The following CARD10 variants were observed in gnomAD, a reference collection of about 807,000 sequenced individuals.
CARD10 encodes the protein caspase recruitment domain family member 10.
CARD10 carries 49 observed loss-of-function variants against 114.6 expected under a neutral mutation model. That is an observed-to-expected ratio of 0.43 (90% CI 0.34 to 0.54). The LOEUF (loss-of-function observed/expected upper bound fraction) is 0.54. Ranked by LOEUF, CARD10 falls within the 20% of genes least tolerant of loss-of-function variation. The probability of loss-of-function intolerance (pLI) is 0.03; values close to 1 mark genes in which losing one functional copy is unlikely to be tolerated. For synonymous variants in CARD10, 602 were observed against 593.2 expected (o/e 1.01, Z -0.21); for missense variants, 1,206 against 1,397.2 (o/e 0.86, Z 2.18).
rs1346728806 is a variant in CARD10, at chr22:37,496,960, T to A, written c.1947+59A>T. On this transcript the variant is annotated intron_variant, in intron 12 of 19. Transcript: ENST00000251973. The surrounding 1 kb of genome is among the most constrained non-coding windows in gnomAD (Gnocchi z 4.1). The stretch of plus-strand genomic sequence containing the variant: ...GATCTTGATCCACCAAATTAAGGGA[T>A]GTCCAGCCTGGGCAAAAGCACTGAC... 1 of 1,511,508 alleles carries A rather than the reference T, an allele frequency of 6.6e-7. No individual in the cohort carries two copies. Among genetic ancestry groups the A allele is most frequent in the Admixed American group, 2.3e-5 (1 of 44,380 alleles). 93.6% of individuals were successfully genotyped at this position (1,511,508 alleles called of 1,614,324 possible).
intron 16 of CARD10, 31 bp downstream of exon 16, chr22:37,494,055 A>T: frequency 1.4e-6 from 2 of 1,454,084 alleles, no homozygotes; most frequent in Non-Finnish European, 1.9e-6. Context: ...TGGGAGCAAC[A>T]CGGGATACAG....
intron 5 of CARD10, among the ~76,000 whole-genome samples, 160 bp downstream of exon 5, chr22:37,508,367 C>T (rs1923487350): frequency 6.6e-6 from 1 of 152,252 alleles, no homozygotes; most frequent in Admixed American, 6.5e-5. Flanking sequence ...ACTGCGGCAT[C>T]TCAAGCGCCT....
intron 11 of CARD10, among the ~76,000 whole-genome samples, chr22:37,499,021 C>G (rs1048378084): frequency 6.6e-6 from 1 of 151,946 alleles, no homozygotes; most frequent in African/African-American, 2.4e-5. Flanking sequence ...CACTGGGTTG[C>G]GACTGGGACA....
Position 37,491,328 on chromosome 22 carries a change from T to C in CARD10, c.2930A>G (p.Gln977Arg), listed in dbSNP as rs1169684575. The change falls in exon 20 of 20, where the codon CAG becomes CGG. Residue 977 changes from glutamine to arginine, a missense_variant. Transcript: ENST00000251973. ...ELLRQCRGSE[Q>R]VLWGLPCSWV... ...GGAGCAGGGCAGCCCCCAGAGCACCTGCTCTGAGCCACGGCACTGCCGCAG... is the reference window on the plus strand; with the variant it reads ...GGAGCAGGGCAGCCCCCAGAGCACCCGCTCTGAGCCACGGCACTGCCGCAG... 6.4e-7 allele frequency: 1 copy of C among 1,555,716 alleles called. No homozygotes were observed. Among genetic ancestry groups the C allele is most frequent in the Admixed American group, 1.8e-5 (1 of 54,288 alleles).
intron 10 of CARD10, 25 bp from the exon 11 acceptor site, chr22:37,502,750 G>A (rs1923263081): frequency 1.2e-6 from 2 of 1,608,296 alleles, no homozygotes; most frequent in Non-Finnish European, 1.7e-6. Flanking sequence ...TGAGGTTCAG[G>A]GATCTGGCAC....
chr22:37,513,841 T>C (rs1923744940), intron 3 of CARD10, among the ~76,000 whole-genome samples: 1 of 152,046 alleles, frequency 6.6e-6, no homozygotes, highest in Non-Finnish European at 1.5e-5. Flanking sequence ...GGCTCATGCC[T>C]GTAATCCAGC....
At chr22:37,515,463 T>G (rs1923806892) in intron 3 of CARD10, among the ~76,000 whole-genome samples, 1 of 146,456 alleles carries the variant, frequency 6.8e-6, no homozygotes, top group Non-Finnish European at 1.5e-5. Flanking sequence ...CCCGGGAAGC[T>G]GAGGCAGGAG....
chr22:37,511,357 CAAAAAAAAAAA>C (rs1169625822), intron 3 of CARD10, among the ~76,000 whole-genome samples: 1 of 65,820 alleles, frequency 1.5e-5, no homozygotes, highest in African/African-American at 7.0e-5. Context: ...GACCCTGTCT[CAAAAAAAAAAA>C]AAAAAAAAAG....
intron 3 of CARD10, among the ~76,000 whole-genome samples, chr22:37,512,828 G>A (rs1232429694): frequency 1.3e-5 from 2 of 152,144 alleles, no homozygotes; most frequent in South Asian, 2.1e-4. Flanking sequence ...TAATCCCGGC[G>A]TACAAACTCA....
At chr22:37,504,331 C>T (rs1340054003) in intron 8 of CARD10, 30 bp from the exon 9 acceptor site, 2 of 1,425,576 alleles carry the variant, frequency 1.4e-6, no homozygotes, top group Non-Finnish European at 1.9e-6. Context: ...CCTGGGTCAC[C>T]CCCACTGCCC....
At chr22:37,507,279 A>G (rs1360965308) in intron 6 of CARD10, among the ~76,000 whole-genome samples, 1 of 152,184 alleles carries the variant, frequency 6.6e-6, no homozygotes, top group Non-Finnish European at 1.5e-5. Flanking sequence ...TCAAAAAGTA[A>G]TAACAACAAT....
intron 3 of CARD10, among the ~76,000 whole-genome samples, chr22:37,515,574 A>C (rs1199036115): frequency 6.6e-6 from 1 of 151,928 alleles, no homozygotes; most frequent in Non-Finnish European, 1.5e-5. Flanking sequence ...AAAAAAAAAA[A>C]AAAAAAAAAC....
At chr22:37,507,343 ACCT>A (rs1255613922) in intron 6 of CARD10, among the ~76,000 whole-genome samples, 2 of 151,794 alleles carry the variant, frequency 1.3e-5, no homozygotes, top group Admixed American at 6.6e-5. Flanking sequence ...AAGGACAAAA[ACCT>A]CCTGCCCTTC....
chr22:37,498,041 G>A (rs1923071642), intron 11 of CARD10, among the ~76,000 whole-genome samples: 1 of 152,170 alleles, frequency 6.6e-6, no homozygotes, highest in Non-Finnish European at 1.5e-5. Flanking sequence ...AGGAAACAGA[G>A]TTCCAGGCTG....
intron 16 of CARD10, among the ~76,000 whole-genome samples, chr22:37,493,827 G>A (rs1290338766): frequency 6.6e-6 from 1 of 152,148 alleles, no homozygotes; most frequent in Non-Finnish European, 1.5e-5. Context: ...AAAAGAACAA[G>A]CCAGTATGTG....
Position 37,501,914 on chromosome 22 carries a change from C to A in CARD10, c.1787+688G>T, listed in dbSNP as rs1275334127. ...CCTTGACTTTCGCCCTTCCCCCTCG[C>A]TCCTCCTCCACAGTCACCGGATGCT... On this transcript the variant is annotated intron_variant, in intron 11 of 19. Coordinates refer to ENST00000251973, the MANE Select transcript of CARD10 (RefSeq NM_014550.4). This position sits in a 1 kb window ranked among gnomAD's most constrained non-coding sequence, Gnocchi z 5.4. Among the ~76,000 whole-genome samples, 1 of 152,218 alleles carries A rather than the reference C, an allele frequency of 6.6e-6. No individual in the cohort carries two copies. Among genetic ancestry groups the A allele is most frequent in the African/African-American group, 2.4e-5 (1 of 41,450 alleles).
rs116424930 is a variant in CARD10 at position 37,507,722 on chromosome 22, G to A, written c.1191+107C>T. 2.8e-4 allele frequency: 384 copies of A among 1,383,838 alleles called. No individual in the cohort carries two copies. In the African/African-American group the frequency reaches 3.3e-3, roughly 12 times the overall value. 85.7% of individuals were successfully genotyped at this position (1,383,838 alleles called of 1,614,324 possible). On this transcript the variant is annotated intron_variant, in intron 6 of 19. Transcript: ENST00000251973. ...GCCCCGTCCTAACCCAACAGGGAGC[G>A]GCTAACGTCTCTTTCTACCATTCTA...
Position 37,519,187 on chromosome 22 carries a change from G to T in CARD10, c.14C>A (p.Ala5Glu). ...CTCCTCCTCGGCCTCCCCCGCCTCC[G>T]CCCGGCCCGGCATGGCCGTGTCCTC... is the stretch of plus-strand genomic sequence containing the variant. MPGR[A>E]EAGEAEEEAG... Residue 5 changes from alanine to glutamate, a missense_variant, in exon 1 of 20, where the codon GCG (alanine) becomes GAG (glutamate). Physicochemically the swap from Ala to Glu is moderately radical, Grantham distance 107. This residue lies in a region of CARD10 where 138 missense variants were observed against 218.0 expected (regional missense o/e 0.63). Coordinates refer to ENST00000251973, the MANE Select transcript of CARD10 (RefSeq NM_014550.4). This position sits in a 1 kb window ranked among gnomAD's most constrained non-coding sequence, Gnocchi z 4.1. The T allele has an allele frequency of 6.5e-7, 1 of 1,530,122 alleles. No homozygotes were observed. Among genetic ancestry groups the T allele is most frequent in the South Asian group, 1.2e-5 (1 of 83,100 alleles). The allele number at this position is 1,530,122 out of a possible 1,614,324, so 94.8% of individuals were successfully genotyped here. A position where few individuals can be genotyped will look rare whatever the true frequency, so the allele number is the denominator to read the frequency against.
rs757574816 is a variant in CARD10 at position 37,518,020 on chromosome 22, G to C, written c.324C>G (p.Phe108Leu). 13 of 1,614,088 alleles carry C rather than the reference G, an allele frequency of 8.1e-6. No individual in the cohort carries two copies. The South Asian group carries it at 1.3e-4, about 16-fold the overall frequency. The part of the protein sequence containing the change: ...EALEFYYPEH[F>L]TLLTGQEPAQ... ...CGGGTTCCTGGCCCGTGAGCAGCGT[G>C]AAGTGTTCGGGGTAGTAGAACTCCA... Residue 108 changes from phenylalanine (F) to leucine (L), a missense_variant, in exon 2 of 20, where the codon TTC (phenylalanine) becomes TTG (leucine). Around this residue, in one of 2 missense-constraint regions of CARD10, gnomAD observed 138 missense variants for 218.0 expected, o/e 0.63. Transcript: ENST00000251973.
Sources: gnomAD v4.1 joint callset for allele counts (sites outside exome capture counted in the v4.1 genomes callset) on GRCh38, gnomAD v4.1.1 for gene constraint, gnomAD v4.1.1 regional missense constraint, Gnocchi (gnomAD v3.1) non-coding constraint, MANE v1.5 for transcripts, NCBI Gene and HGNC (gene_info 2026-07-23, HGNC 2026-07-21) for gene names.